The following USH2A variants were observed in gnomAD, a reference collection of about 807,000 sequenced individuals.
The protein encoded by USH2A is Usher syndrome 2A (autosomal recessive, mild).
In USH2A, 443 loss-of-function variants were observed where a neutral mutation model predicts 538.9. That is an observed-to-expected ratio of 0.82 (90% CI 0.76 to 0.89). USH2A has a LOEUF of 0.89. USH2A is among the 40% of genes least tolerant of loss of function. USH2A has a pLI of 0.00. For missense variants in USH2A, 6,633 were observed against 6,324.8 expected, an observed-to-expected ratio of 1.05 and a Z score of -1.65; for synonymous variants, 2,413 against 2,273.5, an observed-to-expected ratio of 1.06 and a Z score of -1.75.
In USH2A at chr1:215,624,481, T is replaced by A. The variant is rs1440133105; in HGVS notation, c.*1300A>T. Reference sequence around the variant, plus strand: ...ACTATTGTGTGTTAGACAGAGTCAATATTTTCCTGGGGTCACAAAGACCTT... The same window carrying A: ...ACTATTGTGTGTTAGACAGAGTCAAAATTTTCCTGGGGTCACAAAGACCTT... On this transcript the variant is annotated 3_prime_UTR_variant, in exon 72 of 72. Coordinates refer to ENST00000307340, the MANE Select transcript of USH2A (RefSeq NM_206933.4). 3.3e-5 allele frequency: 5 copies of A among 152,182 alleles called. No individual in the cohort carries two copies. The highest frequency in any genetic ancestry group is 7.3e-5 in the Non-Finnish European group (5 of 68,036). 9.4% of individuals were successfully genotyped at this position (152,182 alleles called of 1,614,324 possible). A position where few individuals can be genotyped will look rare whatever the true frequency, so the allele number is the denominator to read the frequency against.
intron 64 of USH2A, among the ~76,000 whole-genome samples, chr1:215,651,321 C>A (rs958921581): frequency 1.5e-4 from 23 of 152,198 alleles, no homozygotes; most frequent in African/African-American, 5.5e-4. Context: ...TGCCTTAGGT[C>A]GTCATTTGCA....
rs1413289330 is a variant in USH2A, at chr1:215,743,085, A to G, written c.11548+92T>C. On this transcript the variant is annotated intron_variant, in intron 59 of 71. Coordinates refer to ENST00000307340, the MANE Select transcript of USH2A (RefSeq NM_206933.4). ...TAAGAAGTGAAACGTTAGTCTTTAT[A>G]TTTGGACTGAGAATGTATTCCTTTT... The G allele has an allele frequency of 5.9e-5, 87 of 1,481,530 alleles. No homozygotes were observed. In the South Asian group the frequency reaches 9.7e-4, roughly 16 times the overall value. The allele number at this position is 1,481,530 out of a possible 1,614,324, so 91.8% of individuals were successfully genotyped here. A position where few individuals can be genotyped will look rare whatever the true frequency, so the allele number is the denominator to read the frequency against.
chr1:215,875,858 TA>T (rs1470360990), intron 43 of USH2A, among the ~76,000 whole-genome samples: 3 of 147,106 alleles, frequency 2.0e-5, no homozygotes, highest in African/African-American at 7.4e-5. Context: ...CAGCAATTAA[TA>T]TATATATTAA....
chr1:216,188,324 T>C (rs1281214816), intron 20 of USH2A, among the ~76,000 whole-genome samples: 2 of 151,838 alleles, frequency 1.3e-5, no homozygotes, highest in Non-Finnish European at 2.9e-5. Context: ...ATCCAGCTAG[T>C]TTCTAGGGAC....
chr1:216,018,987 A>G (rs1668782576), intron 32 of USH2A, among the ~76,000 whole-genome samples: 1 of 152,160 alleles, frequency 6.6e-6, no homozygotes, highest in South Asian at 2.1e-4. Context: ...ATAGATATTT[A>G]TTAAATAAGT....
At chr1:216,129,626 T>C (rs1156454291) in intron 21 of USH2A, among the ~76,000 whole-genome samples, 1 of 152,188 alleles carries the variant, frequency 6.6e-6, no homozygotes, top group East Asian at 1.9e-4. Flanking sequence ...AAAATGTCCA[T>C]ACTACCCAAA....
intron 34 of USH2A, among the ~76,000 whole-genome samples, chr1:215,995,663 C>G (rs1668118102): frequency 6.6e-6 from 1 of 152,022 alleles, no homozygotes; most frequent in Admixed American, 6.6e-5. Context: ...TTAAAAATGC[C>G]TTTATGAAAT....
chr1:216,120,864 C>CA (rs899554827), intron 21 of USH2A, among the ~76,000 whole-genome samples: 32 of 150,644 alleles, frequency 2.1e-4, no homozygotes, highest in African/African-American at 5.9e-4. Flanking sequence ...AAAGAAAAGC[C>CA]AAAAAAAAGT....
At position 216,405,966 on chromosome 1, in the gene USH2A, T is replaced by A. The variant is rs1189345540; in HGVS notation, c.651+12548A>T. The stretch of plus-strand genomic sequence containing the variant: ...TTGTGTGATGTCATGTATACAACAT[T>A]TTGAAAAGACCAAATTTTAGAAATA... On this transcript the variant is annotated intron_variant, in intron 3 of 71. Transcript: ENST00000307340. 2.0e-5 allele frequency among the ~76,000 whole-genome samples: 3 copies of A among 152,260 alleles called. No individual in the cohort carries two copies. The East Asian group carries it at 5.8e-4, about 29-fold the overall frequency.
At chr1:215,657,338 T>G (rs1485406182) in intron 64 of USH2A, among the ~76,000 whole-genome samples, 1 of 152,274 alleles carries the variant, frequency 6.6e-6, no homozygotes, top group Non-Finnish European at 1.5e-5. Flanking sequence ...TGCTGAAATC[T>G]TCTTTGCTGG....
At chr1:215,942,124 T>C (rs569860551) in intron 37 of USH2A, among the ~76,000 whole-genome samples, 1 of 152,196 alleles carries the variant, frequency 6.6e-6, no homozygotes, top group South Asian at 2.1e-4. Context: ...CAGGTGGTTG[T>C]TGATAGTTTT....
At chr1:216,207,829 C>A (rs910299190) in intron 15 of USH2A, among the ~76,000 whole-genome samples, 3 of 149,950 alleles carry the variant, frequency 2.0e-5, no homozygotes, top group Non-Finnish European at 4.4e-5. Context: ...GTAGCATAAT[C>A]TTTGGGTTTT....
intron 11 of USH2A, among the ~76,000 whole-genome samples, chr1:216,286,284 G>A (rs914170631): frequency 2.7e-4 from 41 of 152,306 alleles, no homozygotes; most frequent in African/African-American, 9.4e-4. Context: ...TAGTTCTCAT[G>A]AAATCTGATG....
At chr1:216,412,360 G>A (rs933939226) in intron 3 of USH2A, among the ~76,000 whole-genome samples, 1 of 152,066 alleles carries the variant, frequency 6.6e-6, no homozygotes, top group Non-Finnish European at 1.5e-5. Flanking sequence ...AGTAGGAAGT[G>A]CTTCCTTCTT....
Position 215,668,089 on chromosome 1 carries a change from A to G in USH2A, c.14133+2883T>C, listed in dbSNP as rs1217535880. ...TTCCCTACAATCTACAATTACCTCA[A>G]AAACACACTCCTCTGCAGAAGGGTG... is the stretch of plus-strand genomic sequence containing the variant. On this transcript the variant is annotated intron_variant, in intron 64 of 71. Transcript: ENST00000307340. Among the ~76,000 whole-genome samples, 3 of 152,192 alleles carry G rather than the reference A, an allele frequency of 2.0e-5. 1 individual carries two copies. The highest frequency in any genetic ancestry group is 1.3e-4 in the Admixed American group (2 of 15,282).
At chr1:215,722,960 A>G (rs1659705774) in intron 61 of USH2A, among the ~76,000 whole-genome samples, 1 of 152,212 alleles carries the variant, frequency 6.6e-6, no homozygotes, top group Admixed American at 6.5e-5. Flanking sequence ...GGTGGTAGCA[A>G]TATCGCCAAC....
chr1:215,634,662 T>C lies in USH2A; in HGVS notation c.15094A>G (p.Ser5032Gly), dbSNP rs112798365. 12 of 1,614,222 alleles carry C rather than the reference T, an allele frequency of 7.4e-6. No homozygotes were observed. The highest frequency in any genetic ancestry group is 4.0e-5 in the African/African-American group (3 of 75,048). Residue 5032 changes from serine to glycine, a missense_variant, in exon 70 of 72, where the codon AGC (serine) becomes GGC (glycine). Physicochemically the swap from Ser to Gly is moderately conservative, Grantham distance 56 (BLOSUM62 0). Transcript: ENST00000307340. ...TCGCTGTAGAACTCTGTGCTTTTGC[T>C]CCGCGATCCCTTCTTTTTCCCAGGA... is the stretch of plus-strand genomic sequence containing the variant. ...TTPGKKKGSR[S>G]KSTEFYSELW...
chr1:216,118,009 C>T (rs1440066307), intron 21 of USH2A, among the ~76,000 whole-genome samples: 1 of 151,824 alleles, frequency 6.6e-6, no homozygotes, highest in East Asian at 1.9e-4. Flanking sequence ...TGATGTTTGG[C>T]TTAATGATTA....
chr1:216,079,326 C>A (rs1355778294), intron 26 of USH2A: 1 of 152,068 alleles, frequency 6.6e-6, no homozygotes. Context: ...GTAGCAGAGG[C>A]AAACATGTGG....
Sources: allele counts gnomAD v4.1 joint callset (sites outside exome capture counted in the v4.1 genomes callset), GRCh38; gene constraint gnomAD v4.1.1; transcripts MANE v1.5; gene names NCBI Gene and HGNC (gene_info 2026-07-23, HGNC 2026-07-21).